CTNNA3: variants seen among roughly 807,000 people sequenced by gnomAD.
CTNNA3 encodes catenin alpha-3.
In CTNNA3, 76 loss-of-function variants were observed where a neutral mutation model predicts 95.7. The observed-to-expected ratio is 0.79, with a 90% confidence interval of 0.66 to 0.96. The LOEUF is 0.96. CTNNA3 is among the 40% of genes least tolerant of loss of function. The pLI is 0.00. For synonymous variants in CTNNA3, 431 were observed against 374.4 expected, an observed-to-expected ratio of 1.15 and a Z score of -1.74; for missense variants, 1,191 against 1,089.8, an observed-to-expected ratio of 1.09 and a Z score of -1.31.
intron 15 of CTNNA3, among the ~76,000 whole-genome samples, chr10:66,010,747 G>A (rs1034268619): frequency 2.6e-5 from 4 of 152,110 alleles, no homozygotes; most frequent in African/African-American, 4.8e-5. Flanking sequence ...ACTAATTGTA[G>A]GGAAAGTGTG....
chr10:66,142,745 C>T (rs545412783), intron 13 of CTNNA3, among the ~76,000 whole-genome samples: 3 of 152,184 alleles, frequency 2.0e-5, no homozygotes, highest in Admixed American at 1.3e-4. Flanking sequence ...GACCTCACCA[C>T]AATGCATAAT....
At chr10:66,337,515 C>T (rs1378082497) in intron 12 of CTNNA3, among the ~76,000 whole-genome samples, 1 of 152,014 alleles carries the variant, frequency 6.6e-6, no homozygotes, top group African/African-American at 2.4e-5. Context: ...TCAGGATGTT[C>T]CTCTAAGGTG....
At chr10:66,360,596 C>CTTCTTTCTTTCTTTCT (rs869161944) in intron 12 of CTNNA3, among the ~76,000 whole-genome samples, 2 of 94,076 alleles carry the variant, frequency 2.1e-5, no homozygotes, top group African/African-American at 3.3e-5. Flanking sequence ...GTATTCTTTC[C>CTTCTTTCTTTCTTTCT]TTCTTTCTTT....
chr10:67,521,954 C>A lies in CTNNA3; in HGVS notation c.467G>T (p.Arg156Met), dbSNP rs2133159598. ...AACATTTTTGAGAGACTCAAATGTC[C>A]TTTGAAACTGAAATTGAAAACAAAA... Reference protein sequence around the residue: ...CLLQHVSAFQRTFESLKNVAN... With the variant: ...CLLQHVSAFQMTFESLKNVAN... The change falls in exon 5 of 18, where the codon AGG (arginine) becomes ATG (methionine). Residue 156 changes from arginine to methionine, a missense_variant. Arg to Met is a moderately conservative substitution (Grantham distance 91). Transcript: ENST00000433211. 1.2e-6 allele frequency: 2 copies of A among 1,608,960 alleles called. No homozygotes were observed. The highest frequency in any genetic ancestry group is 1.7e-5 in the Admixed American group (1 of 59,174).
At chr10:67,755,437 A>T (rs1841427737) in intron 1 of CTNNA3, among the ~76,000 whole-genome samples, 1 of 152,092 alleles carries the variant, frequency 6.6e-6, no homozygotes, top group Admixed American at 6.6e-5. Context: ...AACAGTATGG[A>T]GGTTCCTCAA....
At chr10:67,303,042 G>T (rs530284947) in intron 5 of CTNNA3, among the ~76,000 whole-genome samples, 52 of 152,248 alleles carry the variant, frequency 3.4e-4, no homozygotes, top group African/African-American at 1.2e-3. Context: ...AGAAATCCTG[G>T]GAGTGAGGCC....
At chr10:67,659,778 A>C (rs1341237074) in intron 1 of CTNNA3, among the ~76,000 whole-genome samples, 1 of 152,244 alleles carries the variant, frequency 6.6e-6, no homozygotes, top group African/African-American at 2.4e-5. Flanking sequence ...CTATGGGTCC[A>C]TCCCATTCCA....
chr10:66,306,992 C>T (rs1019057092), intron 12 of CTNNA3, among the ~76,000 whole-genome samples: 2 of 152,192 alleles, frequency 1.3e-5, no homozygotes, highest in East Asian at 1.9e-4. Context: ...CTAACAGTTA[C>T]TGAACCTGCG....
At chr10:66,515,631 A>G (rs1840822820) in intron 11 of CTNNA3, among the ~76,000 whole-genome samples, 1 of 152,118 alleles carries the variant, frequency 6.6e-6, no homozygotes, top group Admixed American at 6.6e-5. Flanking sequence ...ATTGACTCAC[A>G]GTTCCACATG....
At chr10:66,472,752 A>T (rs1198332551) in intron 11 of CTNNA3, among the ~76,000 whole-genome samples, 1 of 152,012 alleles carries the variant, frequency 6.6e-6, no homozygotes, top group African/African-American at 2.4e-5. Context: ...TAATTATTCC[A>T]GTATGCAAGT....
intron 7 of CTNNA3, among the ~76,000 whole-genome samples, chr10:67,055,271 T>C (rs1855354277): frequency 2.6e-5 from 4 of 152,160 alleles, no homozygotes; most frequent in Admixed American, 2.6e-4. Context: ...TTAGTACAAG[T>C]ATTAAAACTT....
intron 5 of CTNNA3, among the ~76,000 whole-genome samples, chr10:67,494,012 A>G (rs1838947735): frequency 6.6e-6 from 1 of 152,198 alleles, no homozygotes; most frequent in Non-Finnish European, 1.5e-5. Context: ...GAAGGTCCTC[A>G]GGGGACAGAA....
chr10:66,005,908 C>G (rs1056443647), intron 15 of CTNNA3, among the ~76,000 whole-genome samples: 5 of 151,722 alleles, frequency 3.3e-5, no homozygotes, highest in African/African-American at 1.2e-4. Flanking sequence ...ATAGTTAAAA[C>G]TACTTAGTAA....
At chr10:66,427,971 A>G (rs1236974635) in intron 11 of CTNNA3, among the ~76,000 whole-genome samples, 1 of 152,140 alleles carries the variant, frequency 6.6e-6, no homozygotes, top group Non-Finnish European at 1.5e-5. Context: ...TTGGATAAAG[A>G]GTCAAGACCC....
At chr10:66,730,276 A>G (rs1848917708) in intron 9 of CTNNA3, among the ~76,000 whole-genome samples, 2 of 152,208 alleles carry the variant, frequency 1.3e-5, no homozygotes, top group South Asian at 4.1e-4. Context: ...AGCCATAAAA[A>G]GGAATGAGAT....
intron 5 of CTNNA3, among the ~76,000 whole-genome samples, chr10:67,514,941 T>TA (rs1839766079): frequency 1.3e-5 from 2 of 152,302 alleles, no homozygotes; most frequent in African/African-American, 4.8e-5. Flanking sequence ...GCTTTCTACC[T>TA]AAGTGCCACC....
rs144787623 is a variant in CTNNA3, at chr10:67,252,573, A to G, written c.580-32703T>C. ...TCTTTCTGTCTCAAAATACCTTATC[A>G]TACTGTACTCACCCTTCTTCTTGTA... is the stretch of plus-strand genomic sequence containing the variant. On this transcript the variant is annotated intron_variant, in intron 5 of 17. Coordinates refer to ENST00000433211, the MANE Select transcript of CTNNA3 (RefSeq NM_013266.4). 2.5e-3 allele frequency among the ~76,000 whole-genome samples: 378 copies of G among 152,334 alleles called. 2 individuals are homozygous for G. The highest frequency in any genetic ancestry group is 8.7e-3 in the African/African-American group (360 of 41,564).
chr10:66,003,863 T>C (rs1394109337), intron 15 of CTNNA3, among the ~76,000 whole-genome samples: 1 of 152,208 alleles, frequency 6.6e-6, no homozygotes, highest in Non-Finnish European at 1.5e-5. Flanking sequence ...TGCATAGAAC[T>C]GCACACCTTT....
chr10:66,263,597 T>G (rs1318228800), intron 13 of CTNNA3, among the ~76,000 whole-genome samples: 1 of 151,972 alleles, frequency 6.6e-6, no homozygotes, highest in Non-Finnish European at 1.5e-5. Flanking sequence ...GCTTAACCTC[T>G]CTAAACACTG....
Sources: allele counts gnomAD v4.1 joint callset (sites outside exome capture counted in the v4.1 genomes callset), GRCh38; gene constraint gnomAD v4.1.1; transcripts MANE v1.5; gene names NCBI Gene and HGNC (gene_info 2026-07-23, HGNC 2026-07-21).